The following FHIP1A variants were observed in gnomAD, a reference collection of about 807,000 sequenced individuals.
FHIP1A encodes FHF complex subunit HOOK-interacting protein 1A.
FHIP1A carries 61 observed loss-of-function variants against 88.6 expected under a neutral mutation model. The ratio of observed to expected loss-of-function variants is 0.69; its 90% CI spans 0.56 to 0.85. The LOEUF is 0.85. Ranked by LOEUF, FHIP1A falls within the 40% of genes least tolerant of loss-of-function variation. The probability of loss-of-function intolerance (pLI) is 0.00; values close to 1 mark genes in which losing one functional copy is unlikely to be tolerated. For synonymous variants in FHIP1A, 478 were observed against 496.0 expected, an observed-to-expected ratio of 0.96 and a Z score of 0.48; for missense variants, 1,154 against 1,273.5, an observed-to-expected ratio of 0.91 and a Z score of 1.43.
chr4:151,612,624 T>A (rs191799184), intron 7 of FHIP1A, among the ~76,000 whole-genome samples: 5 of 152,290 alleles, frequency 3.3e-5, no homozygotes, highest in African/African-American at 1.2e-4. Flanking sequence ...TCAAATGATA[T>A]GCCCATCTCG....
chr4:151,571,048 G>A (rs1366426905), intron 4 of FHIP1A, among the ~76,000 whole-genome samples: 1 of 152,018 alleles, frequency 6.6e-6, no homozygotes, highest in Non-Finnish European at 1.5e-5. Context: ...AGCCCACCAG[G>A]CAATAAACTA....
chr4:151,617,923 A>G (rs149290622), intron 7 of FHIP1A, among the ~76,000 whole-genome samples: 2 of 152,186 alleles, frequency 1.3e-5, no homozygotes, highest in Middle Eastern at 3.2e-3. Context: ...TTAGGTCTCA[A>G]TACAAGCACT....
At position 151,581,124 on chromosome 4, in the gene FHIP1A, C is replaced by G. The variant is rs147126342; in HGVS notation, c.732+3048C>G. Among the ~76,000 whole-genome samples the G allele has an allele frequency of 4.7e-3, 715 of 152,312 alleles. 6 individuals are homozygous for G. The highest frequency in any genetic ancestry group is 0.016 in the African/African-American group (673 of 41,582). On this transcript the variant is annotated intron_variant, in intron 5 of 13. Transcript: ENST00000435205. ...TCTGCCCGCCCAGCCTCCCAAAATG[C>G]TGGGATTACAGGCATGAGCCACTGC...
At chr4:151,528,703 C>T (rs115924158) in intron 3 of FHIP1A, among the ~76,000 whole-genome samples, 10 of 152,142 alleles carry the variant, frequency 6.6e-5, no homozygotes, top group Non-Finnish European at 1.2e-4. Context: ...TCACTGTTGT[C>T]GTTTGGTTTT....
chr4:151,512,201 A>T (rs1731061384), intron 3 of FHIP1A, among the ~76,000 whole-genome samples: 1 of 152,156 alleles, frequency 6.6e-6, no homozygotes, highest in Admixed American at 6.6e-5. Context: ...CCTCTAGCAA[A>T]CTCCAACAGA....
intron 3 of FHIP1A, among the ~76,000 whole-genome samples, chr4:151,536,159 C>G (rs1560754547): frequency 6.6e-6 from 1 of 152,154 alleles, no homozygotes; most frequent in East Asian, 1.9e-4. Flanking sequence ...GATTCACATG[C>G]TGTTGTAATA....
intron 7 of FHIP1A, among the ~76,000 whole-genome samples, chr4:151,589,367 T>C (rs1442752074): frequency 1.3e-5 from 2 of 152,218 alleles, no homozygotes; most frequent in African/African-American, 4.8e-5. Context: ...GTAACAATTT[T>C]GTGACAGCAA....
At chr4:151,591,003 G>A (rs1412880257) in intron 7 of FHIP1A, among the ~76,000 whole-genome samples, 1 of 151,822 alleles carries the variant, frequency 6.6e-6, no homozygotes, top group Non-Finnish European at 1.5e-5. Context: ...TTTGTCTCAG[G>A]GCTATATAGC....
chr4:151,636,119 C>T (rs1736344127), intron 8 of FHIP1A, among the ~76,000 whole-genome samples: 1 of 151,862 alleles, frequency 6.6e-6, no homozygotes, highest in African/African-American at 2.4e-5. Flanking sequence ...AAGGATTATA[C>T]ACTATGATCA....
chr4:151,621,206 T>TG, intron 7 of FHIP1A, among the ~76,000 whole-genome samples: 1 of 152,142 alleles, frequency 6.6e-6, no homozygotes, highest in Admixed American at 6.5e-5. Flanking sequence ...GTGTCTGACT[T>TG]GCGTTTCAGG....
chr4:151,455,109 G>T (rs1215755703), intron 2 of FHIP1A, among the ~76,000 whole-genome samples: 1 of 152,094 alleles, frequency 6.6e-6, no homozygotes, highest in African/African-American at 2.4e-5. Context: ...ACAATTACAA[G>T]TTCACAATGT....
chr4:151,650,286 G>A lies in FHIP1A; in HGVS notation c.2245G>A (p.Glu749Lys), dbSNP rs1560821889. 3.2e-6 allele frequency: 5 copies of A among 1,551,728 alleles called. No homozygotes were observed. Among genetic ancestry groups the A allele is most frequent in the Non-Finnish European group, 4.4e-6 (5 of 1,146,990 alleles). ...CCTGACAGCCGCCCACCCGGAGAGC[G>A]AGGAGCTCATTGCCCAGTATGACCA... is the stretch of plus-strand genomic sequence containing the variant. Reference protein sequence around the residue: ...SNLTAAHPESEELIAQYDQII... With the variant: ...SNLTAAHPESKELIAQYDQII... The change falls in exon 11 of 14, where the codon GAG becomes AAG. Residue 749 changes from glutamate (E) to lysine (K), a missense_variant. Glu to Lys is a moderately conservative substitution (Grantham distance 56). Coordinates refer to ENST00000435205, the MANE Select transcript of FHIP1A (RefSeq NM_001109977.3).
chr4:151,430,677 TAAC>T (rs1194256601), intron 1 of FHIP1A, among the ~76,000 whole-genome samples: 2 of 152,236 alleles, frequency 1.3e-5, no homozygotes, highest in African/African-American at 4.8e-5. Flanking sequence ...ACTGAACTGA[TAAC>T]AGCAGCTATT....
At chr4:151,500,458 A>AG (rs11424308) in intron 3 of FHIP1A, among the ~76,000 whole-genome samples, 1 of 144,916 alleles carries the variant, frequency 6.9e-6, no homozygotes, top group Non-Finnish European at 1.5e-5. Flanking sequence ...AAAAAAAAAA[A>AG]GACTTTGGAC....
chr4:151,611,654 C>T (rs193217095), intron 7 of FHIP1A, among the ~76,000 whole-genome samples: 166 of 152,092 alleles, frequency 1.1e-3, no homozygotes, highest in Non-Finnish European at 2.1e-3. Flanking sequence ...AGATTTTAAC[C>T]ATCTAGTTTT....
intron 7 of FHIP1A, among the ~76,000 whole-genome samples, chr4:151,614,905 TC>T (rs1287954208): frequency 6.6e-6 from 1 of 152,194 alleles, no homozygotes; most frequent in Non-Finnish European, 1.5e-5. Flanking sequence ...AAAGCTTTTT[TC>T]CCCCTCTTAT....
chr4:151,526,029 C>T (rs1449260694), intron 3 of FHIP1A, among the ~76,000 whole-genome samples: 2 of 152,102 alleles, frequency 1.3e-5, no homozygotes, highest in African/African-American at 4.8e-5. Context: ...ATCCATTCAA[C>T]CCTGAGTGGA....
At chr4:151,512,673 G>A (rs1403599545) in intron 3 of FHIP1A, among the ~76,000 whole-genome samples, 5 of 152,250 alleles carry the variant, frequency 3.3e-5, no homozygotes, top group South Asian at 2.1e-4. Context: ...CTCAGGAGCC[G>A]ATGCGATCAA....
At chr4:151,638,599 C>A in intron 8 of FHIP1A, 78 bp from the exon 9 acceptor site, 5 of 769,884 alleles carry the variant, frequency 6.5e-6, no homozygotes, top group Non-Finnish European at 1.0e-5. Flanking sequence ...TTTTGTAATT[C>A]TGATTTATTT....
Sources: allele counts gnomAD v4.1 joint callset (sites outside exome capture counted in the v4.1 genomes callset), GRCh38; gene constraint gnomAD v4.1.1; transcripts MANE v1.5; gene names NCBI Gene and HGNC (gene_info 2026-07-23, HGNC 2026-07-21).